Variants in PRDM6 observed in about 807,000 individuals in gnomAD.
PRDM6 encodes PR/SET domain 6.
In PRDM6, 25 loss-of-function variants were observed where a neutral mutation model predicts 60.8. That is an observed-to-expected ratio of 0.41 (90% CI 0.30 to 0.57). The LOEUF (loss-of-function observed/expected upper bound fraction) is 0.57, where lower values mean the gene tolerates loss of function less well. PRDM6 is among the 20% of genes least tolerant of loss of function. The probability of loss-of-function intolerance (pLI) is 0.27; values close to 1 mark genes in which losing one functional copy is unlikely to be tolerated. For synonymous variants in PRDM6, 407 were observed against 357.4 expected (o/e 1.14, Z -1.57); for missense variants, 839 against 821.3 (o/e 1.02, Z -0.26).
rs769646007 is a variant in PRDM6, at chr5:123,090,223, G to C, written c.209G>C (p.Arg70Pro). The change falls in exon 2 of 8, where the codon CGC (arginine) becomes CCC (proline). Residue 70 changes from arginine (R) to proline (P), a missense_variant. Arg to Pro is a moderately radical substitution (Grantham distance 103, BLOSUM62 -2). Coordinates refer to ENST00000407847, the MANE Select transcript of PRDM6 (RefSeq NM_001136239.4). Reference protein sequence around the residue: ...ERAEPPPDSLRPRPASLSSAS... With the variant: ...ERAEPPPDSLPPRPASLSSAS... ...GCTGAGCCTCCGCCGGACAGCCTGC[G>C]CCCGCGGCCCGCCTCTCTCTCCTCC... is the stretch of plus-strand genomic sequence containing the variant. The C allele has an allele frequency of 2.7e-6, 4 of 1,473,540 alleles. No homozygotes were observed. Among genetic ancestry groups the C allele is most frequent in the Non-Finnish European group, 3.6e-6 (4 of 1,114,162 alleles). 91.3% of individuals were successfully genotyped at this position (1,473,540 alleles called of 1,614,324 possible).
At chr5:123,156,082 C>G in intron 4 of PRDM6, 71 bp downstream of exon 4, 1 of 1,418,770 alleles carries the variant, frequency 7.0e-7, no homozygotes, top group East Asian at 2.5e-5. Context: ...TTCAGGCTTG[C>G]CACTGGTGGG....
chr5:123,140,736 A>G (rs1238686340), intron 3 of PRDM6, among the ~76,000 whole-genome samples: 1 of 152,140 alleles, frequency 6.6e-6, no homozygotes, highest in Non-Finnish European at 1.5e-5. Flanking sequence ...AACAGGTTTC[A>G]TGAATAAGAC....
Position 123,099,712 on chromosome 5 carries a change from C to T in PRDM6, c.651C>T (p.His217=). Residue 217 remains histidine (H), a synonymous_variant, in exon 3 of 8, where the codon CAC becomes CAT. Transcript: ENST00000407847. The surrounding 1 kb of genome is among the most constrained non-coding windows in gnomAD (Gnocchi z 4.0). ...NGECPMHGPL[H]SLRRLVGTSS... ...AGTGCCCTATGCATGGGCCACTGCACTCGCTGCGCCGGCTTGTGGGCACCA... is the reference window on the plus strand; with the variant it reads ...AGTGCCCTATGCATGGGCCACTGCATTCGCTGCGCCGGCTTGTGGGCACCA... 6.5e-7 allele frequency: 1 copy of T among 1,528,306 alleles called. No individual in the cohort carries two copies. Among genetic ancestry groups the T allele is most frequent in the Non-Finnish European group, 8.8e-7 (1 of 1,137,982 alleles). The allele number at this position is 1,528,306 out of a possible 1,614,324, so 94.7% of individuals were successfully genotyped here. A position where few individuals can be genotyped will look rare whatever the true frequency, so the allele number is the denominator to read the frequency against.
chr5:123,135,136 T>G (rs430148), intron 3 of PRDM6, among the ~76,000 whole-genome samples: 110,203 of 152,058 alleles, frequency 0.72, 40,096 homozygotes, highest in Non-Finnish European at 0.75. Flanking sequence ...ATGGTTTACA[T>G]AGGCCGGAAA....
chr5:123,172,967 G>A (rs1405582997), intron 6 of PRDM6, among the ~76,000 whole-genome samples: 11 of 152,102 alleles, frequency 7.2e-5, no homozygotes, highest in Admixed American at 2.0e-4. Context: ...CGAGGCAGGC[G>A]GATCACGAGG....
intron 3 of PRDM6, among the ~76,000 whole-genome samples, chr5:123,147,005 TGA>T (rs1765254923): frequency 1.3e-5 from 2 of 152,226 alleles, no homozygotes; most frequent in South Asian, 4.1e-4. Context: ...CAAGCTTTCA[TGA>T]GAGTTTTCTT....
At chr5:123,182,825 T>C (rs1006987511) in intron 7 of PRDM6, among the ~76,000 whole-genome samples, 3 of 152,190 alleles carry the variant, frequency 2.0e-5, no homozygotes, top group Non-Finnish European at 4.4e-5. Flanking sequence ...TGTTTTTTTT[T>C]ATTTTAATTT....
chr5:123,093,843 C>T (rs1021275613), intron 2 of PRDM6, among the ~76,000 whole-genome samples: 4 of 151,806 alleles, frequency 2.6e-5, no homozygotes, highest in Non-Finnish European at 4.4e-5. Context: ...TCAGCACAGC[C>T]CATTAGTTTT....
chr5:123,149,356 C>A lies in PRDM6; in HGVS notation c.901-6528C>A, dbSNP rs903881297. Among the ~76,000 whole-genome samples, 5 of 152,274 alleles carry A rather than the reference C, an allele frequency of 3.3e-5. No individual in the cohort carries two copies. In the South Asian group the frequency reaches 6.2e-4, roughly 19 times the overall value. On this transcript the variant is annotated intron_variant, in intron 3 of 7. Transcript: ENST00000407847. ...GTGACTGCACAGACAGCTCACCTAC[C>A]TTGAACATATTGAGTGTTCATGCAG...
At chr5:123,093,155 A>G (rs1466630751) in intron 2 of PRDM6, among the ~76,000 whole-genome samples, 1 of 152,198 alleles carries the variant, frequency 6.6e-6, no homozygotes, top group East Asian at 1.9e-4. Flanking sequence ...TCCCTCTAAA[A>G]GAATTCTGTG....
At chr5:123,164,264 A>G (rs577865065) in intron 5 of PRDM6, among the ~76,000 whole-genome samples, 1 of 152,312 alleles carries the variant, frequency 6.6e-6, no homozygotes, top group South Asian at 2.1e-4. Flanking sequence ...TAAGTCATTC[A>G]GCTGGGAGAA....
intron 5 of PRDM6, among the ~76,000 whole-genome samples, chr5:123,167,896 A>T (rs888115451): frequency 2.6e-5 from 4 of 152,122 alleles, no homozygotes; most frequent in Non-Finnish European, 5.9e-5. Flanking sequence ...TTAGTTTGAA[A>T]TTGCCTGGCC....
rs1375512167 is a variant in PRDM6 at position 123,127,481 on chromosome 5, C to G, written c.900+27520C>G. 2.0e-5 allele frequency among the ~76,000 whole-genome samples: 3 copies of G among 152,088 alleles called. No individual in the cohort carries two copies. In the South Asian group the frequency reaches 6.2e-4, roughly 32 times the overall value. ...TAAATTCAGTCTCTGTGTGTAGCAT[C>G]GTTGAGAGAAGTAAGTGGAGAATTG... is the stretch of plus-strand genomic sequence containing the variant. On this transcript the variant is annotated intron_variant, in intron 3 of 7. Coordinates refer to ENST00000407847, the MANE Select transcript of PRDM6 (RefSeq NM_001136239.4).
chr5:123,154,611 C>T (rs486888), intron 3 of PRDM6, among the ~76,000 whole-genome samples: 10,497 of 152,230 alleles, frequency 0.069, 386 homozygotes, highest in Non-Finnish European at 0.074. Context: ...CCCCCTCCCC[C>T]GGAATAGAAC....
At chr5:123,186,208 A>G (rs1766285775) in intron 7 of PRDM6, among the ~76,000 whole-genome samples, 1 of 152,212 alleles carries the variant, frequency 6.6e-6, no homozygotes, top group African/African-American at 2.4e-5. Flanking sequence ...GCCAGGGACA[A>G]CATCCACAGA....
chr5:123,119,747 A>T (rs1283926284), intron 3 of PRDM6, among the ~76,000 whole-genome samples: 1 of 152,238 alleles, frequency 6.6e-6, no homozygotes, highest in Non-Finnish European at 1.5e-5. Context: ...GCGGTGTCAG[A>T]GAGACCCTTC....
In PRDM6 at chr5:123,098,286, C is replaced by A. The variant is rs373312094; in HGVS notation, c.593-1368C>A. On this transcript the variant is annotated intron_variant, in intron 2 of 7. Transcript: ENST00000407847. ...GCCAGCTTTCACCGTGTCTGCCAGG[C>A]GGGACTCGCCAGGTGTCAGGCTCAG... 1.8e-3 allele frequency among the ~76,000 whole-genome samples: 274 copies of A among 152,354 alleles called. 5 individuals carry two copies. The highest frequency in any genetic ancestry group is 5.8e-3 in the African/African-American group (243 of 41,582).
At chr5:123,094,061 G>T (rs1385553121) in intron 2 of PRDM6, among the ~76,000 whole-genome samples, 2 of 152,014 alleles carry the variant, frequency 1.3e-5, no homozygotes, top group Non-Finnish European at 2.9e-5. Context: ...TGTGGGAGCG[G>T]GGCTTGAGGC....
At position 123,189,510 on chromosome 5, in the gene PRDM6, T is replaced by C. The variant is rs971225327; in HGVS notation, c.*2309T>C. 26 of 152,196 alleles carry C rather than the reference T, an allele frequency of 1.7e-4. 1 individual carries two copies. Among genetic ancestry groups the C allele is most frequent in the African/African-American group, 6.3e-4 (26 of 41,448 alleles). 9.4% of individuals were successfully genotyped at this position (152,196 alleles called of 1,614,324 possible). On this transcript the variant is annotated 3_prime_UTR_variant, in exon 8 of 8. Coordinates refer to ENST00000407847, the MANE Select transcript of PRDM6 (RefSeq NM_001136239.4). ...GAAGGTTTTCCTTAACAATGATCTC[T>C]CTGCCACCCTGATAGCTTTGCTAGC...
Sources: gnomAD v4.1 joint callset for allele counts (sites outside exome capture counted in the v4.1 genomes callset) on GRCh38, gnomAD v4.1.1 for gene constraint, Gnocchi (gnomAD v3.1) non-coding constraint, MANE v1.5 for transcripts, NCBI Gene and HGNC (gene_info 2026-07-23, HGNC 2026-07-21) for gene names.